Variants in CDH11 observed in about 807,000 individuals in gnomAD.
The protein encoded by CDH11 is cadherin-11.
Under a neutral mutation model 67.8 loss-of-function variants are expected in CDH11, and 11 were observed. The ratio of observed to expected loss-of-function variants is 0.16; its 90% CI spans 0.10 to 0.27. The LOEUF (loss-of-function observed/expected upper bound fraction) is 0.27. Among genes scored for constraint, CDH11 ranks in the 10% least tolerant of loss-of-function variants. The pLI, the probability that CDH11 is intolerant of heterozygous loss-of-function variation, is 1.00. For synonymous variants in CDH11, 419 were observed against 400.0 expected (o/e 1.05, Z -0.57); for missense variants, 847 against 1,031.2 (o/e 0.82, Z 2.45).
At chr16:64,991,465 A>T in intron 6 of CDH11, 1 of 300,906 alleles carries the variant, frequency 3.3e-6, no homozygotes, top group Non-Finnish European at 6.4e-6. Flanking sequence ...GAGGCAGAAA[A>T]GGGTTAATTA....
intron 11 of CDH11, among the ~76,000 whole-genome samples, chr16:64,960,919 T>C (rs1293222195): frequency 6.6e-6 from 1 of 152,116 alleles, no homozygotes; most frequent in African/African-American, 2.4e-5. Context: ...GACCTGTTTG[T>C]AGGTCACCAT....
chr16:65,016,883 G>A (rs1316995770), intron 2 of CDH11, among the ~76,000 whole-genome samples: 1 of 152,182 alleles, frequency 6.6e-6, no homozygotes, highest in Admixed American at 6.5e-5. Context: ...AGTTTTCCAG[G>A]AAAGGGCTAA....
At chr16:65,010,566 C>CA (rs781057660) in intron 2 of CDH11, among the ~76,000 whole-genome samples, 1 of 152,166 alleles carries the variant, frequency 6.6e-6, no homozygotes, top group South Asian at 2.1e-4. Context: ...GCAGAGACTG[C>CA]AAAAAGGTTA....
Position 65,087,751 on chromosome 16 carries a change from C to T in CDH11, c.-297-33823G>A, listed in dbSNP as rs149030266. 1.5e-3 allele frequency among the ~76,000 whole-genome samples: 222 copies of T among 152,228 alleles called. 2 individuals carry two copies. The highest frequency in any genetic ancestry group is 4.5e-3 in the African/African-American group (185 of 41,546). On this transcript the variant is annotated intron_variant, in intron 1 of 12. Transcript: ENST00000268603. ...CTCTTGACCAGGTAAGGGCTATTATCAAACTGTAGTGGAATCTACAAAAAA... is the reference window on the plus strand; with the variant it reads ...CTCTTGACCAGGTAAGGGCTATTATTAAACTGTAGTGGAATCTACAAAAAA...
At chr16:65,033,108 A>C (rs1257821841) in intron 2 of CDH11, among the ~76,000 whole-genome samples, 1 of 152,210 alleles carries the variant, frequency 6.6e-6, no homozygotes, top group African/African-American at 2.4e-5. Flanking sequence ...CATTACGTGA[A>C]GCTTAATTAA....
chr16:65,039,079 C>T (rs2073812000), intron 2 of CDH11, among the ~76,000 whole-genome samples: 1 of 152,184 alleles, frequency 6.6e-6, no homozygotes, highest in Non-Finnish European at 1.5e-5. Flanking sequence ...TTATTTCCCA[C>T]CTCTGTGGCT....
intron 1 of CDH11, among the ~76,000 whole-genome samples, chr16:65,075,417 A>G (rs1379341383): frequency 1.3e-5 from 2 of 152,198 alleles, no homozygotes; most frequent in Admixed American, 6.5e-5. Flanking sequence ...TTACGGGACC[A>G]TCTGTGTCCC....
At chr16:64,971,831 C>CT in intron 10 of CDH11, 100 bp downstream of exon 10, 1 of 1,457,048 alleles carries the variant, frequency 6.9e-7, no homozygotes, top group Non-Finnish European at 9.6e-7. Flanking sequence ...GCTCTGAAAC[C>CT]TTTTTGGGCA....
At chr16:64,990,273 G>A (rs1215984556) in intron 6 of CDH11, among the ~76,000 whole-genome samples, 1 of 152,164 alleles carries the variant, frequency 6.6e-6, no homozygotes, top group Non-Finnish European at 1.5e-5. Context: ...CTCTTTGAAT[G>A]TTATATGAGC....
intron 2 of CDH11, among the ~76,000 whole-genome samples, chr16:65,043,682 G>A (rs559471165): frequency 6.6e-6 from 1 of 152,340 alleles, no homozygotes; most frequent in East Asian, 1.9e-4. Flanking sequence ...GTGCATTGCA[G>A]TGTTCAGTGC....
intron 1 of CDH11, among the ~76,000 whole-genome samples, chr16:65,073,600 T>G (rs531311459): frequency 7.9e-5 from 12 of 152,248 alleles, no homozygotes; most frequent in African/African-American, 2.9e-4. Context: ...TTTAATATAT[T>G]GCTTTTGTTG....
chr16:65,090,588 C>T (rs1445432690), intron 1 of CDH11, among the ~76,000 whole-genome samples: 1 of 152,164 alleles, frequency 6.6e-6, no homozygotes, highest in Non-Finnish European at 1.5e-5. Context: ...GTCCTTTTTA[C>T]TTACAACAGT....
At chr16:65,021,555 T>TACACAC (rs71376753) in intron 2 of CDH11, among the ~76,000 whole-genome samples, 1 of 127,584 alleles carries the variant, frequency 7.8e-6, no homozygotes, top group Non-Finnish European at 1.7e-5. Context: ...GCCATTTAAA[T>TACACAC]ACACACACAC....
In CDH11 at chr16:64,950,954, A is replaced by T; in HGVS notation, c.1707T>A (p.Leu569=). 1 of 1,614,148 alleles carries T rather than the reference A, an allele frequency of 6.2e-7. No homozygotes were observed. The highest frequency in any genetic ancestry group is 8.5e-7 in the Non-Finnish European group (1 of 1,180,026). The change falls in exon 12 of 13, where the codon CTT becomes CTA. Residue 569 remains leucine, a synonymous_variant. Coordinates refer to ENST00000268603, the MANE Select transcript of CDH11 (RefSeq NM_001797.4). Reference sequence around the variant, plus strand: ...CGCCATCGCTGATCACTATGGGCAGAAGGTACAAGTCCTGCTTCTGCCGAC... The same window carrying T: ...CGCCATCGCTGATCACTATGGGCAGTAGGTACAAGTCCTGCTTCTGCCGAC... ...GFSRQKQDLY[L]LPIVISDGGI...
chr16:65,002,502 T>A (rs546038816), intron 3 of CDH11, among the ~76,000 whole-genome samples: 2 of 152,248 alleles, frequency 1.3e-5, no homozygotes, highest in African/African-American at 2.4e-5. Context: ...GGGAATTCCA[T>A]ATGCCAATTA....
At chr16:65,094,920 T>C (rs1216410646) in intron 1 of CDH11, 1 of 152,178 alleles carries the variant, frequency 6.6e-6, no homozygotes, top group Non-Finnish European at 1.5e-5. Flanking sequence ...AACATTCTCT[T>C]GGTTATAAAT....
chr16:65,087,094 T>G (rs140335791), intron 1 of CDH11, among the ~76,000 whole-genome samples: 2 of 152,276 alleles, frequency 1.3e-5, no homozygotes, highest in Non-Finnish European at 2.9e-5. Context: ...ACTTCGGAGT[T>G]AGGTGTGAAT....
At chr16:65,058,600 C>T (rs1323485552) in intron 1 of CDH11, among the ~76,000 whole-genome samples, 4 of 152,122 alleles carry the variant, frequency 2.6e-5, no homozygotes, top group Admixed American at 2.6e-4. Context: ...GGGTGTTTTT[C>T]TTTCCTGTTA....
chr16:65,016,261 A>C (rs961863309), intron 2 of CDH11, among the ~76,000 whole-genome samples: 4 of 152,190 alleles, frequency 2.6e-5, no homozygotes, highest in Admixed American at 2.0e-4. Flanking sequence ...CAAATAATCC[A>C]ATCTTTGAAA....
Sources: gnomAD v4.1 joint callset for allele counts (sites outside exome capture counted in the v4.1 genomes callset) on GRCh38, gnomAD v4.1.1 for gene constraint, MANE v1.5 for transcripts, NCBI Gene and HGNC (gene_info 2026-07-23, HGNC 2026-07-21) for gene names.